Variants in CDH15 observed in about 807,000 individuals in gnomAD.
The protein encoded by CDH15 is cadherin 15, also known as cadherin-15.
CDH15 carries 73 observed loss-of-function variants against 69.4 expected under a neutral mutation model. That is an observed-to-expected ratio of 1.05 (90% CI 0.87 to 1.28). The LOEUF (loss-of-function observed/expected upper bound fraction) is 1.28, where lower values mean the gene tolerates loss of function less well. Ranked by LOEUF, CDH15 falls within the 50% of genes most tolerant of loss-of-function variation. The pLI is 0.00. For synonymous variants in CDH15, 624 were observed against 507.7 expected (o/e 1.23, Z -3.08); for missense variants, 1,343 against 1,133.6 (o/e 1.18, Z -2.65).
intron 5 of CDH15, chr16:89,185,646 TC>T: frequency 2.2e-6 from 1 of 453,774 alleles, no homozygotes; most frequent in East Asian, 4.3e-5. Flanking sequence ...AGTAACTAAC[TC>T]CTTCTGTCAG....
chr16:89,190,074 T>A (rs1873800108), intron 7 of CDH15, among the ~76,000 whole-genome samples, 169 bp from the exon 8 acceptor site: 1 of 152,250 alleles, frequency 6.6e-6, no homozygotes, highest in African/African-American at 2.4e-5. Flanking sequence ...TTTAATAATA[T>A]TCTTTGTGCC....
At chr16:89,193,639 C>G (rs1334797006) in intron 12 of CDH15, 33 bp downstream of exon 12, 1 of 1,571,994 alleles carries the variant, frequency 6.4e-7, no homozygotes, top group Non-Finnish European at 8.6e-7. Flanking sequence ...GGAGGGGTCC[C>G]CAAGGAACCC....
chr16:89,189,459 C>G (rs1597310482), intron 7 of CDH15, among the ~76,000 whole-genome samples: 2 of 152,262 alleles, frequency 1.3e-5, no homozygotes, highest in East Asian at 1.9e-4. Context: ...TTCACATCCT[C>G]TGACCAGCTG....
intron 1 of CDH15, among the ~76,000 whole-genome samples, chr16:89,173,434 CCTCTCACTGT>C (rs1915197570): frequency 6.6e-6 from 1 of 152,198 alleles, no homozygotes; most frequent in Non-Finnish European, 1.5e-5. Context: ...AGAAGCCTTC[CCTCTCACTGT>C]CCCTTCTTTT....
chr16:89,185,683 A>C, intron 5 of CDH15: 1 of 370,726 alleles, frequency 2.7e-6, no homozygotes, highest in South Asian at 2.6e-5. Flanking sequence ...TTGCTGTCGG[A>C]CTTCGGTGCT....
chr16:89,185,844 T>C (rs936864798), intron 5 of CDH15: 3 of 229,944 alleles, frequency 1.3e-5, no homozygotes, highest in East Asian at 1.1e-4. Flanking sequence ...CAGCACAGAG[T>C]AGGTGCTCTG....
chr16:89,191,961 G>C (rs535828076), intron 10 of CDH15, 67 bp downstream of exon 10: 252 of 1,439,972 alleles, frequency 1.8e-4, no homozygotes, highest in Non-Finnish European at 2.2e-4. Flanking sequence ...TTCCGGCCTC[G>C]GACGGGGGCA....
In CDH15 at chr16:89,192,264, C is replaced by T. The variant is rs1444536941; in HGVS notation, c.1675C>T (p.Leu559=). ...QVPEGLHRLS[L]LLRDSGQPPQ... is the part of the protein sequence containing the mutation. ...CCCCGAAGGCCTGCACCGCCTCAGC[C>T]TGCTGCTCCGGGACTCGGGGCAGCC... Residue 559 remains leucine, a synonymous_variant, in exon 11 of 14, where the codon CTG becomes TTG. Coordinates refer to ENST00000289746, the MANE Select transcript of CDH15 (RefSeq NM_004933.3). The T allele has an allele frequency of 1.6e-5, 25 of 1,530,796 alleles. No homozygotes were observed. The highest frequency in any genetic ancestry group is 2.4e-5 in the South Asian group (2 of 83,772). 94.8% of individuals were successfully genotyped at this position (1,530,796 alleles called of 1,614,324 possible). A position where few individuals can be genotyped will look rare whatever the true frequency, so the allele number is the denominator to read the frequency against.
intron 3 of CDH15, chr16:89,182,706 G>A (rs1380145930): frequency 6.6e-6 from 1 of 152,168 alleles, no homozygotes; most frequent in Non-Finnish European, 1.5e-5. Flanking sequence ...TCCTGCCTTT[G>A]CCTCTGCAGG....
In CDH15 at chr16:89,185,261, C is replaced by T. The variant is rs751645454; in HGVS notation, c.591C>T (p.Gly197=). The stretch of plus-strand genomic sequence containing the variant: ...TGCGGTTCTCCATCCTGCAGCAGGG[C>T]AGCCCCGAGCTCTTCAGCATCGACG... ...AALRFSILQQ[G]SPELFSIDEL... is the part of the protein sequence containing the mutation. Residue 197 remains glycine, a synonymous_variant, in exon 5 of 14, where the codon GGC becomes GGT. Coordinates refer to ENST00000289746, the MANE Select transcript of CDH15 (RefSeq NM_004933.3). 4 of 1,605,908 alleles carry T rather than the reference C, an allele frequency of 2.5e-6. No homozygotes were observed. In the South Asian group the frequency reaches 3.3e-5, roughly 13 times the overall value.
At chr16:89,189,320 C>T (rs995741832) in intron 7 of CDH15, among the ~76,000 whole-genome samples, 1 of 142,632 alleles carries the variant, frequency 7.0e-6, no homozygotes, top group Non-Finnish European at 1.6e-5. Flanking sequence ...CCGGCACACA[C>T]ACATGCCGGC....
At chr16:89,192,623 CG>C (rs1281347863) in intron 11 of CDH15, among the ~76,000 whole-genome samples, 179 bp downstream of exon 11, 2 of 109,106 alleles carry the variant, frequency 1.8e-5, no homozygotes, top group African/African-American at 3.9e-5. Context: ...AACCCCGCCC[CG>C]TCATTACCAG....
chr16:89,174,704 G>T (rs564310341), intron 1 of CDH15, among the ~76,000 whole-genome samples: 1 of 152,156 alleles, frequency 6.6e-6, no homozygotes, highest in Admixed American at 6.5e-5. Flanking sequence ...GGGTCCAGTC[G>T]AGGATGAGCT....
chr16:89,190,223 G>A lies in CDH15; in HGVS notation c.979-20G>A. ...CACACTTGCGTTGGGCGGATGACGG[G>A]CTGTGCTTCCTTCCCTCAGGCCCTG... is the stretch of plus-strand genomic sequence containing the variant. On this transcript the variant is annotated intron_variant, in intron 7 of 13. Coordinates refer to ENST00000289746, the MANE Select transcript of CDH15 (RefSeq NM_004933.3). 1 of 1,609,884 alleles carries A rather than the reference G, an allele frequency of 6.2e-7. No homozygotes were observed. The highest frequency in any genetic ancestry group is 8.5e-7 in the Non-Finnish European group (1 of 1,178,784).
intron 1 of CDH15, among the ~76,000 whole-genome samples, chr16:89,172,203 T>A (rs1379116794): frequency 6.6e-6 from 1 of 151,880 alleles, no homozygotes; most frequent in Non-Finnish European, 1.5e-5. Context: ...GTTGCCAGTC[T>A]TGAGTGGAGC....
intron 7 of CDH15, among the ~76,000 whole-genome samples, 153 bp downstream of exon 7, chr16:89,188,438 C>T (rs1393678869): frequency 3.7e-5 from 4 of 107,894 alleles, no homozygotes; most frequent in African/African-American, 9.7e-5. Flanking sequence ...ACACAGATGC[C>T]GGCACACACA....
At chr16:89,189,539 G>T (rs1256864415) in intron 7 of CDH15, among the ~76,000 whole-genome samples, 1 of 152,246 alleles carries the variant, frequency 6.6e-6, no homozygotes. Flanking sequence ...TGAGGACTGG[G>T]TCCCAGGCCA....
intron 1 of CDH15, among the ~76,000 whole-genome samples, chr16:89,175,605 C>G (rs926368415): frequency 3.9e-5 from 6 of 152,246 alleles, no homozygotes; most frequent in Non-Finnish European, 5.9e-5. Flanking sequence ...CAGCCACGGC[C>G]GGAAACAGAC....
At position 89,190,449 on chromosome 16, in the gene CDH15, C is replaced by G; in HGVS notation, c.1185C>G (p.Ala395=). 5 of 1,605,806 alleles carry G rather than the reference C, an allele frequency of 3.1e-6. No homozygotes were observed. Among genetic ancestry groups the G allele is most frequent in the Non-Finnish European group, 4.2e-6 (5 of 1,177,216 alleles). ...AEGAPPGTLV[A]TFSARDPDTE... ...GGGCACCCCCAGGCACTCTGGTGGC[C>G]ACCTTCTCTGCCCGGGACCCTGACA... The change falls in exon 8 of 14, where the codon GCC becomes GCG. Residue 395 remains alanine, a synonymous_variant. Transcript: ENST00000289746.
Sources: gnomAD v4.1 joint callset for allele counts (sites outside exome capture counted in the v4.1 genomes callset) on GRCh38, gnomAD v4.1.1 for gene constraint, MANE v1.5 for transcripts, NCBI Gene and HGNC (gene_info 2026-07-23, HGNC 2026-07-21) for gene names.